Variants in STT3B observed in about 807,000 individuals in gnomAD.
STT3B encodes the protein STT3 oligosaccharyltransferase complex catalytic subunit B.
In STT3B, 29 loss-of-function variants were observed where a neutral mutation model predicts 96.8. The ratio of observed to expected loss-of-function variants is 0.30; its 90% CI spans 0.22 to 0.41. STT3B has a LOEUF of 0.41. STT3B is among the 10% of genes least tolerant of loss of function. STT3B has a pLI of 1.00. For missense variants in STT3B, 640 were observed against 1,022.3 expected (o/e 0.63, Z 5.10); for synonymous variants, 367 against 360.0 (o/e 1.02, Z -0.22).
intron 5 of STT3B, among the ~76,000 whole-genome samples, chr3:31,610,941 A>G (rs1699166970): frequency 6.6e-6 from 1 of 152,244 alleles, no homozygotes; most frequent in Non-Finnish European, 1.5e-5. Flanking sequence ...TAAATGATTT[A>G]CAACACTATT....
intron 9 of STT3B, among the ~76,000 whole-genome samples, chr3:31,621,584 T>C (rs1165189739): frequency 2.0e-5 from 3 of 152,226 alleles, no homozygotes; most frequent in South Asian, 2.1e-4. Context: ...GCTCTGGCTA[T>C]TGGAAATTTG....
intron 1 of STT3B, among the ~76,000 whole-genome samples, chr3:31,536,040 C>G (rs1379428645): frequency 1.3e-5 from 2 of 151,956 alleles, no homozygotes; most frequent in African/African-American, 4.8e-5. Flanking sequence ...ATGAGAGAAT[C>G]AGGTTTCAGA....
chr3:31,600,503 TG>T, intron 5 of STT3B, 44 bp downstream of exon 5: 1 of 882,762 alleles, frequency 1.1e-6, no homozygotes, highest in Non-Finnish European at 1.9e-6. Context: ...AGAGATGTTT[TG>T]TATTCATTCA....
chr3:31,536,063 C>G (rs1697085810), intron 1 of STT3B, among the ~76,000 whole-genome samples: 1 of 151,868 alleles, frequency 6.6e-6, no homozygotes, highest in African/African-American at 2.4e-5. Context: ...AAAAAAATAC[C>G]TTGTTCTTGT....
intron 1 of STT3B, among the ~76,000 whole-genome samples, chr3:31,543,804 A>G (rs1268077147): frequency 6.6e-6 from 1 of 152,210 alleles, no homozygotes; most frequent in Non-Finnish European, 1.5e-5. Flanking sequence ...TTTGAGGAAG[A>G]TTTTAGTTTC....
intron 1 of STT3B, among the ~76,000 whole-genome samples, chr3:31,543,067 C>A (rs77701376): frequency 6.7e-3 from 734 of 109,120 alleles, no homozygotes; most frequent in African/African-American, 7.9e-3. Flanking sequence ...CTCCATCTCA[C>A]AAAAAAAAAA....
At chr3:31,557,664 G>T (rs1461211044) in intron 1 of STT3B, among the ~76,000 whole-genome samples, 3 of 151,828 alleles carry the variant, frequency 2.0e-5, no homozygotes, top group Admixed American at 2.0e-4. Flanking sequence ...ACGGAGTCTT[G>T]CTCTGTTGCC....
chr3:31,552,392 AC>A (rs1697583575), intron 1 of STT3B, among the ~76,000 whole-genome samples: 1 of 152,228 alleles, frequency 6.6e-6, no homozygotes, highest in African/African-American at 2.4e-5. Context: ...AGTAAGAATG[AC>A]CAATGCTGTC....
intron 1 of STT3B, among the ~76,000 whole-genome samples, chr3:31,549,335 A>AC (rs1212809123): frequency 2.0e-5 from 3 of 151,788 alleles, no homozygotes. Context: ...TGTCTTGGTG[A>AC]CTAAGTTGAG....
chr3:31,619,968 C>T lies in STT3B; in HGVS notation c.1327+138C>T, dbSNP rs1241753055. ...TTTTCTCCTTTATTTTGCATAGGTGCTTAACCAAGAAAAATTCACTGAGAG... is the reference window on the plus strand; with the variant it reads ...TTTTCTCCTTTATTTTGCATAGGTGTTTAACCAAGAAAAATTCACTGAGAG... On this transcript the variant is annotated intron_variant, in intron 9 of 15. Coordinates refer to ENST00000295770, the MANE Select transcript of STT3B (RefSeq NM_178862.3). 30 of 1,507,380 alleles carry T rather than the reference C, an allele frequency of 2.0e-5. 1 individual carries two copies. In the East Asian group the frequency reaches 7.6e-4, roughly 38 times the overall value. 93.4% of individuals were successfully genotyped at this position (1,507,380 alleles called of 1,614,324 possible). A position where few individuals can be genotyped will look rare whatever the true frequency, so the allele number is the denominator to read the frequency against.
At chr3:31,588,006 T>C (rs1698581640) in intron 3 of STT3B, among the ~76,000 whole-genome samples, 1 of 152,184 alleles carries the variant, frequency 6.6e-6, no homozygotes, top group Non-Finnish European at 1.5e-5. Flanking sequence ...CTTGTGACTT[T>C]AGCTCTCTGA....
chr3:31,633,179 C>T (rs778799205), intron 15 of STT3B, 32 bp downstream of exon 15: 2 of 1,579,782 alleles, frequency 1.3e-6, no homozygotes, highest in South Asian at 2.3e-5. Flanking sequence ...TAAAGGGTAA[C>T]TTAAGGTGTG....
rs148048791 is a variant in STT3B at position 31,552,709 on chromosome 3, A to C, written c.314+19397A>C. ...GGTTTAAGTTAGATGTCAGTTGTAG[A>C]AGCCATCCACGAGTCCTTTGGACAG... On this transcript the variant is annotated intron_variant, in intron 1 of 15. Transcript: ENST00000295770. 1.8e-3 allele frequency among the ~76,000 whole-genome samples: 268 copies of C among 152,316 alleles called. 1 individual carries two copies. The highest frequency in any genetic ancestry group is 6.3e-3 in the African/African-American group (260 of 41,574).
intron 6 of STT3B, among the ~76,000 whole-genome samples, chr3:31,616,578 G>T (rs1699311384): frequency 6.6e-6 from 1 of 151,800 alleles, no homozygotes; most frequent in African/African-American, 2.4e-5. Flanking sequence ...GTTTTTCAGT[G>T]ATTTTGAAAA....
chr3:31,572,091 T>C lies in STT3B; in HGVS notation c.315-4305T>C, dbSNP rs918239291. The stretch of plus-strand genomic sequence containing the variant: ...ATTAAATATATTAATATATAAGTAT[T>C]AAGATATTAAATATATATATTATAT... On this transcript the variant is annotated intron_variant, in intron 1 of 15. Transcript: ENST00000295770. Among the ~76,000 whole-genome samples, 106 of 133,644 alleles carry C rather than the reference T, an allele frequency of 7.9e-4. 1 individual carries two copies. Among genetic ancestry groups the C allele is most frequent in the South Asian group, 1.5e-3 (7 of 4,538 alleles). The allele number at this position is 133,644 out of a possible 152,430, so 87.7% of individuals were successfully genotyped here. A position where few individuals can be genotyped will look rare whatever the true frequency, so the allele number is the denominator to read the frequency against.
chr3:31,620,629 T>A (rs1322329042), intron 9 of STT3B, among the ~76,000 whole-genome samples: 1 of 152,252 alleles, frequency 6.6e-6, no homozygotes, highest in African/African-American at 2.4e-5. Context: ...TTTAGGGTTC[T>A]ATATTTCTAA....
intron 1 of STT3B, among the ~76,000 whole-genome samples, chr3:31,574,450 C>G (rs1389305694): frequency 1.3e-5 from 2 of 152,068 alleles, no homozygotes; most frequent in Non-Finnish European, 1.5e-5. Context: ...TAGAGAAGAA[C>G]TTTGTCACTT....
At chr3:31,607,696 C>G (rs1276151160) in intron 5 of STT3B, among the ~76,000 whole-genome samples, 1 of 152,122 alleles carries the variant, frequency 6.6e-6, no homozygotes, top group Non-Finnish European at 1.5e-5. Flanking sequence ...AAGTCAAATA[C>G]TACAGGGTTT....
At chr3:31,565,953 T>G (rs1434113349) in intron 1 of STT3B, among the ~76,000 whole-genome samples, 1 of 152,200 alleles carries the variant, frequency 6.6e-6, no homozygotes, top group African/African-American at 2.4e-5. Flanking sequence ...GGTTTTTGTT[T>G]TAGATATTTT....
Sources: allele counts gnomAD v4.1 joint callset (sites outside exome capture counted in the v4.1 genomes callset), GRCh38; gene constraint gnomAD v4.1.1; transcripts MANE v1.5; gene names NCBI Gene and HGNC (gene_info 2026-07-23, HGNC 2026-07-21).